Variants in UTRN observed in about 807,000 individuals in gnomAD.
The protein encoded by UTRN is utrophin.
Under a neutral mutation model 463.9 loss-of-function variants are expected in UTRN, and 283 were observed. The ratio of observed to expected loss-of-function variants is 0.61; its 90% CI spans 0.55 to 0.67. The LOEUF is 0.67. Ranked by LOEUF, UTRN falls within the 30% of genes least tolerant of loss-of-function variation. The pLI is 0.00. For synonymous variants in UTRN, 1,442 were observed against 1,431.5 expected (o/e 1.01, Z -0.17); for missense variants, 3,922 against 4,084.3 (o/e 0.96, Z 1.08).
chr6:144,504,806 A>G (rs191322037), intron 34 of UTRN, among the ~76,000 whole-genome samples: 35 of 152,086 alleles, frequency 2.3e-4, no homozygotes, highest in African/African-American at 7.2e-4. Flanking sequence ...CTCTCTTTCT[A>G]TTGTTTGGAA....
chr6:144,553,083 G>T (rs1407940389), intron 48 of UTRN, among the ~76,000 whole-genome samples: 1 of 152,146 alleles, frequency 6.6e-6, no homozygotes, highest in Non-Finnish European at 1.5e-5. Context: ...TTGTTGCCCA[G>T]GCTGGATGCA....
intron 34 of UTRN, among the ~76,000 whole-genome samples, chr6:144,502,984 C>G (rs1266986742): frequency 6.6e-6 from 1 of 152,164 alleles, no homozygotes; most frequent in Admixed American, 6.6e-5. Context: ...TTTTGATTTG[C>G]ATTTCTGTAA....
chr6:144,774,065 T>C (rs113657295), intron 59 of UTRN, among the ~76,000 whole-genome samples: 254 of 152,296 alleles, frequency 1.7e-3, no homozygotes, highest in Middle Eastern at 0.01. Context: ...TGAAAATACT[T>C]TCTTAGAATT....
intron 69 of UTRN, among the ~76,000 whole-genome samples, chr6:144,835,322 A>G (rs2128760106): frequency 6.6e-6 from 1 of 152,368 alleles, no homozygotes; most frequent in South Asian, 2.1e-4. Context: ...TTTAAATAAA[A>G]GAACATAAGG....
At chr6:144,339,338 A>C (rs1292780047) in intron 2 of UTRN, among the ~76,000 whole-genome samples, 2 of 152,232 alleles carry the variant, frequency 1.3e-5, no homozygotes, top group African/African-American at 2.4e-5. Context: ...AAAAGGATGC[A>C]TCTTGAATTT....
rs558273129 is a variant in UTRN, at chr6:144,696,721, T to C, written c.7653-3366T>C. On this transcript the variant is annotated intron_variant, in intron 52 of 74. Coordinates refer to ENST00000367545, the MANE Select transcript of UTRN (RefSeq NM_007124.3). The stretch of plus-strand genomic sequence containing the variant: ...ACCAAATTGGACATTTGATTCTGGG[T>C]AGTCATTACACAACAGAGGATGGGA... 2.0e-5 allele frequency among the ~76,000 whole-genome samples: 3 copies of C among 152,294 alleles called. No individual in the cohort carries two copies. In the South Asian group the frequency reaches 6.2e-4, roughly 32 times the overall value.
At chr6:144,403,205 C>G (rs1465407718) in intron 3 of UTRN, 21 bp downstream of exon 3, 5 of 1,608,146 alleles carry the variant, frequency 3.1e-6, no homozygotes, top group Non-Finnish European at 4.3e-6. Flanking sequence ...CTTTCAAAAA[C>G]TTCGATGGTT....
intron 52 of UTRN, among the ~76,000 whole-genome samples, chr6:144,681,524 G>A (rs1782192865): frequency 6.6e-6 from 1 of 152,068 alleles, no homozygotes; most frequent in Non-Finnish European, 1.5e-5. Flanking sequence ...GCAGAGTCCA[G>A]GAGCAATTAG....
chr6:144,434,311 T>TAGG (rs1363970290), intron 9 of UTRN, among the ~76,000 whole-genome samples: 1 of 129,134 alleles, frequency 7.7e-6, no homozygotes, highest in African/African-American at 3.1e-5. Flanking sequence ...CAGCTTCGGC[T>TAGG]CGGCATCAGA....
rs758607998 is a variant in UTRN, at chr6:144,539,306, G to T, written c.6382G>T (p.Glu2128Ter). The T allele has an allele frequency of 6.2e-7, 1 of 1,610,526 alleles. No individual in the cohort carries two copies. Among genetic ancestry groups the T allele is most frequent in the Non-Finnish European group, 8.5e-7 (1 of 1,178,472 alleles). Reference protein sequence around the residue: ...NLQELRDLTQEMEVHAEKLKW... With the variant: ...NLQELRDLTQ ...TTAACTTCTCCAGGACTTAACTCAAGAAATGGAAGTACATGCTGAAAAACT... is the reference window on the plus strand; with the variant it reads ...TTAACTTCTCCAGGACTTAACTCAATAAATGGAAGTACATGCTGAAAAACT... Residue 2128 changes from glutamate (E) to a stop codon, truncating the protein, a stop_gained, in exon 45 of 75, where the codon GAA (glutamate) becomes TAA (stop). Transcript: ENST00000367545. LOFTEE classifies it high-confidence loss of function.
intron 2 of UTRN, among the ~76,000 whole-genome samples, chr6:144,385,307 T>C (rs1019706929): frequency 6.6e-6 from 1 of 152,310 alleles, no homozygotes; most frequent in African/African-American, 2.4e-5. Flanking sequence ...CCTACTTAAA[T>C]GATTTAACAG....
At chr6:144,344,996 GC>G (rs369624688) in intron 2 of UTRN, among the ~76,000 whole-genome samples, 16 of 152,316 alleles carry the variant, frequency 1.1e-4, no homozygotes, top group African/African-American at 3.8e-4. Flanking sequence ...GGTTGTATGA[GC>G]TTTTGGAGGG....
intron 2 of UTRN, among the ~76,000 whole-genome samples, chr6:144,360,730 A>G (rs1779011602): frequency 1.3e-5 from 2 of 152,204 alleles, no homozygotes; most frequent in African/African-American, 2.4e-5. Flanking sequence ...CAGGTCGCCT[A>G]CTTTTGAGAT....
intron 2 of UTRN, among the ~76,000 whole-genome samples, chr6:144,335,292 T>A (rs977372750): frequency 1.3e-5 from 2 of 152,234 alleles, no homozygotes; most frequent in African/African-American, 4.8e-5. Flanking sequence ...GCTTTGTTCT[T>A]GTCTTATTTC....
intron 53 of UTRN, among the ~76,000 whole-genome samples, chr6:144,724,793 T>C (rs1787674296): frequency 6.6e-6 from 1 of 152,228 alleles, no homozygotes; most frequent in East Asian, 1.9e-4. Flanking sequence ...GAATAAGATG[T>C]CATTGTATTA....
At chr6:144,816,679 T>C (rs572319091) in intron 65 of UTRN, among the ~76,000 whole-genome samples, 4 of 151,764 alleles carry the variant, frequency 2.6e-5, no homozygotes, top group East Asian at 3.9e-4. Context: ...ACCATTTAAA[T>C]CTTTTTTAAG....
chr6:144,656,477 T>A (rs1013842516), intron 51 of UTRN, among the ~76,000 whole-genome samples: 14 of 152,242 alleles, frequency 9.2e-5, no homozygotes, highest in Admixed American at 9.2e-4. Flanking sequence ...AGTGGCACGA[T>A]CTCGGCTCAC....
intron 51 of UTRN, among the ~76,000 whole-genome samples, chr6:144,614,104 G>A (rs1331502003): frequency 6.6e-6 from 1 of 150,964 alleles, no homozygotes; most frequent in Non-Finnish European, 1.5e-5. Context: ...CAGCAGCTTG[G>A]TTTGCCTGTC....
chr6:144,739,714 G>T (rs187326707), intron 54 of UTRN, among the ~76,000 whole-genome samples: 2 of 152,246 alleles, frequency 1.3e-5, no homozygotes, highest in Admixed American at 6.5e-5. Flanking sequence ...TCTCTGTACA[G>T]GTTTTCATTT....
Sources: gnomAD v4.1 joint callset for allele counts (sites outside exome capture counted in the v4.1 genomes callset) on GRCh38, gnomAD v4.1.1 for gene constraint, MANE v1.5 for transcripts, NCBI Gene and HGNC (gene_info 2026-07-23, HGNC 2026-07-21) for gene names.